TADA2A: variants seen among roughly 807,000 people sequenced by gnomAD.
TADA2A encodes the protein transcriptional adaptor 2A.
In TADA2A, 38 loss-of-function variants were observed where a neutral mutation model predicts 67.4. That is an observed-to-expected ratio of 0.56 (90% CI 0.44 to 0.74). The LOEUF (loss-of-function observed/expected upper bound fraction) is 0.74. Among genes scored for constraint, TADA2A ranks in the 30% least tolerant of loss-of-function variants. The pLI is 0.00. For synonymous variants in TADA2A, 192 were observed against 181.6 expected, an observed-to-expected ratio of 1.06 and a Z score of -0.46; for missense variants, 454 against 547.0, an observed-to-expected ratio of 0.83 and a Z score of 1.70.
intron 14 of TADA2A, among the ~76,000 whole-genome samples, chr17:37,472,160 G>A (rs1373876121): frequency 6.6e-6 from 1 of 152,048 alleles, no homozygotes; most frequent in Non-Finnish European, 1.5e-5. Flanking sequence ...CTGCCTTCCG[G>A]ATTCAAGCGA....
At chr17:37,429,714 G>T (rs1378105442) in intron 4 of TADA2A, among the ~76,000 whole-genome samples, 1 of 152,030 alleles carries the variant, frequency 6.6e-6, no homozygotes, top group African/African-American at 2.4e-5. Flanking sequence ...TGAGTTTCTG[G>T]GCTTATAATA....
At chr17:37,452,007 A>C (rs755448557) in intron 8 of TADA2A, among the ~76,000 whole-genome samples, 19 of 151,780 alleles carry the variant, frequency 1.3e-4, no homozygotes, top group Non-Finnish European at 2.6e-4. Flanking sequence ...AATCACAAAA[A>C]TGTTTTGTTA....
intron 4 of TADA2A, among the ~76,000 whole-genome samples, chr17:37,437,237 G>A (rs373430392): frequency 5.3e-5 from 8 of 151,386 alleles, no homozygotes; most frequent in African/African-American, 1.7e-4. Flanking sequence ...GACTACAGGC[G>A]CTCACCACCA....
intron 10 of TADA2A, 77 bp from the exon 11 acceptor site, chr17:37,465,354 G>GA: frequency 6.7e-6 from 7 of 1,047,466 alleles, no homozygotes; most frequent in Admixed American, 2.6e-5. Flanking sequence ...TTTACTAATT[G>GA]TAAAAAAAAA....
chr17:37,409,820 AT>A (rs2051805171), intron 1 of TADA2A, among the ~76,000 whole-genome samples: 3 of 152,166 alleles, frequency 2.0e-5, no homozygotes, highest in African/African-American at 2.4e-5. Flanking sequence ...AAGAAGGATT[AT>A]TTTTTGACTT....
chr17:37,444,118 G>A (rs2053005103), intron 7 of TADA2A, among the ~76,000 whole-genome samples: 1 of 152,040 alleles, frequency 6.6e-6, no homozygotes, highest in African/African-American at 2.4e-5. Context: ...ATTAACTTGA[G>A]TGTGATGGCA....
chr17:37,470,150 TG>T (rs2053755538), intron 12 of TADA2A, among the ~76,000 whole-genome samples: 2 of 152,332 alleles, frequency 1.3e-5, no homozygotes, highest in South Asian at 4.1e-4. Flanking sequence ...ACTTTTCTGT[TG>T]GTTTTTTTCC....
intron 9 of TADA2A, among the ~76,000 whole-genome samples, chr17:37,460,170 T>A (rs2053513565): frequency 6.6e-6 from 1 of 150,858 alleles, no homozygotes; most frequent in East Asian, 2.0e-4. Flanking sequence ...TGCCTTGGCC[T>A]CCCAGAGTGC....
intron 8 of TADA2A, among the ~76,000 whole-genome samples, chr17:37,450,033 C>A (rs951098748): frequency 6.6e-6 from 1 of 152,110 alleles, no homozygotes; most frequent in African/African-American, 2.4e-5. Flanking sequence ...AAGAAGTGTC[C>A]TGGGCCACAC....
intron 7 of TADA2A, among the ~76,000 whole-genome samples, chr17:37,443,635 C>T (rs2052988478): frequency 6.6e-6 from 1 of 152,068 alleles, no homozygotes. Flanking sequence ...CTATTAAAGG[C>T]CAGATAGTAA....
chr17:37,452,151 C>A (rs1229718082), intron 8 of TADA2A, among the ~76,000 whole-genome samples: 2 of 152,054 alleles, frequency 1.3e-5, no homozygotes, highest in Non-Finnish European at 2.9e-5. Flanking sequence ...CACCTGTATT[C>A]CCAGCACTTT....
Position 37,477,003 on chromosome 17 carries a change from A to G in TADA2A, c.*21A>G, listed in dbSNP as rs192676041. On this transcript the variant is annotated 3_prime_UTR_variant, in exon 16 of 16. Coordinates refer to ENST00000615182, the MANE Select transcript of TADA2A (RefSeq NM_001166105.3). ...GCTAAGGCTCCAAGAGCTTGGGATCAGAAGTCAGAAGTTTGGAATGTGGTG... is the reference window on the plus strand; with the variant it reads ...GCTAAGGCTCCAAGAGCTTGGGATCGGAAGTCAGAAGTTTGGAATGTGGTG... The G allele has an allele frequency of 5.1e-5, 81 of 1,584,636 alleles. No individual in the cohort carries two copies. In the African/African-American group the frequency reaches 1.1e-3, roughly 21 times the overall value.
At chr17:37,448,861 G>A (rs1324892375) in intron 8 of TADA2A, among the ~76,000 whole-genome samples, 1 of 152,148 alleles carries the variant, frequency 6.6e-6, no homozygotes, top group Non-Finnish European at 1.5e-5. Context: ...GCTTGGATCT[G>A]TGGACCCCTT....
chr17:37,418,795 G>A (rs998389070), intron 2 of TADA2A, among the ~76,000 whole-genome samples: 3 of 151,888 alleles, frequency 2.0e-5, no homozygotes, highest in African/African-American at 7.3e-5. Context: ...CACCATGTTG[G>A]CCAGTCTGGT....
chr17:37,457,617 C>T (rs1016720291), intron 8 of TADA2A, among the ~76,000 whole-genome samples: 7 of 151,552 alleles, frequency 4.6e-5, no homozygotes, highest in African/African-American at 1.7e-4. Flanking sequence ...CCACCTCAGC[C>T]TCCCGAGTAG....
chr17:37,435,449 C>T (rs965977829), intron 4 of TADA2A, among the ~76,000 whole-genome samples: 1 of 151,978 alleles, frequency 6.6e-6, no homozygotes, highest in African/African-American at 2.4e-5. Context: ...CCACCACACC[C>T]GGCTAATTTT....
rs953908918 is a variant in TADA2A at position 37,464,788 on chromosome 17, G to A, written c.713-643G>A. Among the ~76,000 whole-genome samples the A allele has an allele frequency of 2.1e-5, 3 of 145,332 alleles. No individual in the cohort carries two copies. In the Admixed American group the frequency reaches 2.1e-4, roughly 10 times the overall value. On this transcript the variant is annotated intron_variant, in intron 10 of 15. Transcript: ENST00000615182. ...GGGGAGGCAGAGGTTACAGTGAGCT[G>A]AGATCACACCACTGCACTCCAGCCT...
chr17:37,424,660 G>C (rs567709108), intron 3 of TADA2A, among the ~76,000 whole-genome samples: 1 of 152,030 alleles, frequency 6.6e-6, no homozygotes, highest in East Asian at 1.9e-4. Flanking sequence ...GGGTTCAAGC[G>C]ATTCTCCTGC....
chr17:37,431,566 CTTTTATCTTTTCT>C (rs1284266655), intron 4 of TADA2A, among the ~76,000 whole-genome samples: 3 of 143,296 alleles, frequency 2.1e-5, no homozygotes, highest in African/African-American at 7.9e-5. Flanking sequence ...ATCACCTTTT[CTTTTATCTTTTCT>C]TTTTTTTTTT....
Sources: gnomAD v4.1 joint callset for allele counts (sites outside exome capture counted in the v4.1 genomes callset) on GRCh38, gnomAD v4.1.1 for gene constraint, MANE v1.5 for transcripts, NCBI Gene and HGNC (gene_info 2026-07-23, HGNC 2026-07-21) for gene names.